SHQ1: variants seen among roughly 807,000 people sequenced by gnomAD.
SHQ1 encodes the protein protein SHQ1 homolog.
In SHQ1, 49 loss-of-function variants were observed where a neutral mutation model predicts 53.8. The observed-to-expected ratio is 0.91, with a 90% CI of 0.72 to 1.16. The LOEUF (loss-of-function observed/expected upper bound fraction) is 1.16. Among genes scored for constraint, SHQ1 ranks in the 50% most tolerant of loss-of-function variants. The pLI, the probability that SHQ1 is intolerant of heterozygous loss-of-function variation, is 0.00. For missense variants in SHQ1, 738 were observed against 683.1 expected (o/e 1.08, Z -0.90); for synonymous variants, 243 against 251.0 (o/e 0.97, Z 0.30).
At chr3:72,796,560 C>A (rs1706629452) in intron 9 of SHQ1, among the ~76,000 whole-genome samples, 1 of 152,094 alleles carries the variant, frequency 6.6e-6, no homozygotes, top group Admixed American at 6.5e-5. Flanking sequence ...GTGGCTCATG[C>A]CTCTAATCCC....
chr3:72,829,360 TAA>T (rs1707761325), intron 5 of SHQ1, among the ~76,000 whole-genome samples: 1 of 152,144 alleles, frequency 6.6e-6, no homozygotes, highest in African/African-American at 2.4e-5. Context: ...TTAATTACAA[TAA>T]AAATAGTGTC....
At chr3:72,808,832 C>T (rs1000329290) in intron 9 of SHQ1, among the ~76,000 whole-genome samples, 1 of 152,030 alleles carries the variant, frequency 6.6e-6, no homozygotes, top group Non-Finnish European at 1.5e-5. Context: ...TATCAAGTAT[C>T]CCTTTATTTT....
At chr3:72,798,301 A>C (rs78586761) in intron 9 of SHQ1, among the ~76,000 whole-genome samples, 177 of 152,306 alleles carry the variant, frequency 1.2e-3, no homozygotes, top group African/African-American at 3.9e-3. Context: ...GGGATTCTCT[A>C]GGATGGACTT....
intron 4 of SHQ1, among the ~76,000 whole-genome samples, chr3:72,836,097 G>A (rs758122591): frequency 1.3e-5 from 2 of 152,208 alleles, no homozygotes; most frequent in Non-Finnish European, 2.9e-5. Context: ...CTGCTATGGA[G>A]TAGAAACTGT....
intron 10 of SHQ1, among the ~76,000 whole-genome samples, chr3:72,770,943 G>C (rs1252077633): frequency 6.6e-6 from 1 of 152,174 alleles, no homozygotes; most frequent in Non-Finnish European, 1.5e-5. Context: ...CAAAGATTGT[G>C]TCTGGATTTT....
intron 10 of SHQ1, among the ~76,000 whole-genome samples, chr3:72,762,445 T>C (rs983492413): frequency 7.2e-5 from 11 of 152,362 alleles, no homozygotes; most frequent in Admixed American, 5.2e-4. Context: ...AATGTGGGTC[T>C]CATAAATTTG....
intron 8 of SHQ1, among the ~76,000 whole-genome samples, chr3:72,813,599 TA>T (rs1027182727): frequency 1.2e-4 from 18 of 151,300 alleles, no homozygotes; most frequent in Non-Finnish European, 1.2e-4. Flanking sequence ...CCGTCTCTAC[TA>T]AAACTACAAA....
chr3:72,760,341 G>A (rs564930035), intron 10 of SHQ1, among the ~76,000 whole-genome samples: 1 of 152,302 alleles, frequency 6.6e-6, no homozygotes, highest in Admixed American at 6.5e-5. Context: ...GTGAATTTTT[G>A]TGAGGTTTGA....
At chr3:72,818,687 G>A (rs905170937) in intron 6 of SHQ1, among the ~76,000 whole-genome samples, 3 of 152,164 alleles carry the variant, frequency 2.0e-5, no homozygotes, top group Non-Finnish European at 4.4e-5. Context: ...AACAGAATAC[G>A]ACCAAGGCAA....
rs1349397292 is a variant in SHQ1, at chr3:72,842,292, C to G, written c.319G>C (p.Val107Leu). The G allele has an allele frequency of 1.2e-6, 2 of 1,613,592 alleles. No homozygotes were observed. The highest frequency in any genetic ancestry group is 1.7e-6 in the Non-Finnish European group (2 of 1,179,656). ...GTAATAAACATACCTATTTCTTCCA[C>G]AAGTGGTTTTGCTGTCCTGGATTTT... The part of the protein sequence containing the change: ...PRKSRTAKPL[V>L]EEIGASEIPE... Residue 107 changes from valine to leucine, a missense_variant, in exon 3 of 11, where the codon GTG becomes CTG. Val to Leu is a conservative substitution (Grantham distance 32, BLOSUM62 1). Coordinates refer to ENST00000325599, the MANE Select transcript of SHQ1 (RefSeq NM_018130.3).
At chr3:72,730,611 G>C in the SHQ1 span, among the ~76,000 whole-genome samples, 1 of 152,122 alleles carries the variant, frequency 6.6e-6, no homozygotes, top group Non-Finnish European at 1.5e-5. Flanking sequence ...TTCTCTCCTG[G>C]AGATGCCGAT....
chr3:72,746,434 G>A (rs1705260496), downstream of SHQ1, among the ~76,000 whole-genome samples: 1 of 152,214 alleles, frequency 6.6e-6, no homozygotes, highest in Non-Finnish European at 1.5e-5. Flanking sequence ...ACCTCTGGAG[G>A]TGTTTTGGGT....
chr3:72,765,557 ATTTTTT>A (rs61074795), intron 10 of SHQ1, among the ~76,000 whole-genome samples: 2 of 57,190 alleles, frequency 3.5e-5, no homozygotes, highest in African/African-American at 7.9e-5. Context: ...ATATATATAT[ATTTTTT>A]TTTTTTTTTT....
chr3:72,750,469 C>T lies in SHQ1; in HGVS notation c.1549G>A (p.Glu517Lys), dbSNP rs745500197. The T allele has an allele frequency of 6.2e-7, 1 of 1,614,066 alleles. No individual in the cohort carries two copies. Among genetic ancestry groups the T allele is most frequent in the African/African-American group, 1.3e-5 (1 of 74,906 alleles). Residue 517 changes from glutamate to lysine, a missense_variant, in exon 11 of 11, where the codon GAG (glutamate) becomes AAG (lysine). Physicochemically the swap from Glu to Lys is moderately conservative, Grantham distance 56 (BLOSUM62 1). Transcript: ENST00000325599. ...GGVRRNTAIQESDASQGKPLA... is the reference protein window; with the variant it reads ...GGVRRNTAIQKSDASQGKPLA... ...GGCTTTCCCTGACTGGCATCAGACT[C>T]CTGGATGGCTGTGTTTCTGCGTACT...
rs1352640801 is a variant in SHQ1, at chr3:72,792,970, T to C, written c.1127A>G (p.Tyr376Cys). ...TGAGATGTAGAGATCATTCAGTATG[T>C]ACGCTGGGTCATTTTCCTGAAAAAT... ...HKIFQENDPA[Y>C]ILNDLYISDY... Residue 376 changes from tyrosine to cysteine, a missense_variant, in exon 10 of 11, where the codon TAC becomes TGC. Coordinates refer to ENST00000325599, the MANE Select transcript of SHQ1 (RefSeq NM_018130.3). The C allele has an allele frequency of 3.1e-6, 5 of 1,612,100 alleles. No individual in the cohort carries two copies. Among genetic ancestry groups the C allele is most frequent in the Non-Finnish European group, 3.4e-6 (4 of 1,179,382 alleles).
intron 6 of SHQ1, among the ~76,000 whole-genome samples, chr3:72,821,441 T>C (rs1707476969): frequency 6.6e-6 from 1 of 152,200 alleles, no homozygotes; most frequent in African/African-American, 2.4e-5. Context: ...GAGGAAAATC[T>C]GGATCACTAC....
chr3:72,757,662 T>C (rs114583490), intron 10 of SHQ1, among the ~76,000 whole-genome samples: 2,223 of 152,328 alleles, frequency 0.015, 20 homozygotes, highest in Non-Finnish European at 0.021. Flanking sequence ...AACAGGATCA[T>C]GTCCTTTGTA....
In SHQ1 at chr3:72,750,432, G is replaced by C. The variant is rs1296069246; in HGVS notation, c.1586C>G (p.Ser529Cys). The C allele has an allele frequency of 5.0e-6, 8 of 1,614,018 alleles. No homozygotes were observed. Among genetic ancestry groups the C allele is most frequent in the Non-Finnish European group, 6.8e-6 (8 of 1,180,008 alleles). ...DASQGKPLAS[S>C]WPLGVSGPLI... is the part of the protein sequence containing the mutation. Reference sequence around the variant, plus strand: ...AGGCCCAGACACTCCAAGAGGCCAGGAAGAGGCAAGTGGCTTTCCCTGACT... The same window carrying C: ...AGGCCCAGACACTCCAAGAGGCCAGCAAGAGGCAAGTGGCTTTCCCTGACT... The change falls in exon 11 of 11, where the codon TCC becomes TGC. Residue 529 changes from serine to cysteine, a missense_variant. Transcript: ENST00000325599.
At chr3:72,803,043 C>G (rs1706836540) in intron 9 of SHQ1, among the ~76,000 whole-genome samples, 2 of 152,136 alleles carry the variant, frequency 1.3e-5, no homozygotes, top group South Asian at 2.1e-4. Context: ...CTGGTGCAAG[C>G]CTTCACTGCA....
Sources: gnomAD v4.1 joint callset for allele counts (sites outside exome capture counted in the v4.1 genomes callset) on GRCh38, gnomAD v4.1.1 for gene constraint, MANE v1.5 for transcripts, NCBI Gene and HGNC (gene_info 2026-07-23, HGNC 2026-07-21) for gene names.